The following ABCE1 variants were observed in gnomAD, a reference collection of about 807,000 sequenced individuals.
ABCE1 encodes ATP binding cassette subfamily E member 1, also known as ATP-binding cassette sub-family E member 1.
In ABCE1, 22 loss-of-function variants were observed where a neutral mutation model predicts 83.4. That is an observed-to-expected ratio of 0.26 (90% CI 0.19 to 0.38). The LOEUF (loss-of-function observed/expected upper bound fraction) is 0.38, where lower values mean the gene tolerates loss of function less well. ABCE1 is among the 10% of genes least tolerant of loss of function. ABCE1 has a pLI of 1.00. For synonymous variants in ABCE1, 204 were observed against 233.7 expected, an observed-to-expected ratio of 0.87 and a Z score of 1.16; for missense variants, 330 against 721.9, an observed-to-expected ratio of 0.46 and a Z score of 6.22.
intron 2 of ABCE1, among the ~76,000 whole-genome samples, chr4:145,105,208 T>A (rs1311316215): frequency 2.0e-5 from 3 of 152,102 alleles, no homozygotes; most frequent in Non-Finnish European, 4.4e-5. Flanking sequence ...CTGATCTAGC[T>A]ACAATAGTTC....
At position 145,128,097 on chromosome 4, in the gene ABCE1, G is replaced by A. The variant is rs1749942397; in HGVS notation, c.*524G>A. 6.6e-6 allele frequency: 1 copy of A among 152,548 alleles called. No individual in the cohort carries two copies. The highest frequency in any genetic ancestry group is 2.4e-5 in the African/African-American group (1 of 41,420). The allele number at this position is 152,548 out of a possible 1,614,324, so 9.4% of individuals were successfully genotyped here. A position where few individuals can be genotyped will look rare whatever the true frequency, so the allele number is the denominator to read the frequency against. On this transcript the variant is annotated 3_prime_UTR_variant, in exon 18 of 18. Transcript: ENST00000296577. ...ACTATATTACCAGTATATGGTTTCC[G>A]AGGAAGATTATCTACTGCAAAACAC...
intron 9 of ABCE1, among the ~76,000 whole-genome samples, chr4:145,116,006 GC>G (rs1749599408): frequency 6.6e-6 from 1 of 151,926 alleles, no homozygotes; most frequent in Non-Finnish European, 1.5e-5. Flanking sequence ...GAGGGGGAAA[GC>G]TCATTTGCAT....
intron 1 of ABCE1, 82 bp downstream of exon 1, chr4:145,098,501 C>T (rs903431516): frequency 3.9e-5 from 6 of 152,352 alleles, no homozygotes; most frequent in African/African-American, 1.4e-4. Context: ...CTCCGAGAGC[C>T]TTTGGTTAGG....
chr4:145,127,327 A>G (rs1043567825), intron 17 of ABCE1, among the ~76,000 whole-genome samples, 199 bp from the exon 18 acceptor site: 12 of 152,202 alleles, frequency 7.9e-5, no homozygotes, highest in African/African-American at 2.9e-4. Context: ...GAGTCATTCT[A>G]GCATTAGGGA....
chr4:145,104,823 T>A (rs1749254326), intron 2 of ABCE1, among the ~76,000 whole-genome samples: 1 of 151,250 alleles, frequency 6.6e-6, no homozygotes, highest in East Asian at 1.9e-4. Context: ...TACTTTAATA[T>A]TATATATATA....
chr4:145,104,362 A>T, intron 1 of ABCE1, 24 bp from the exon 2 acceptor site: 1 of 1,264,834 alleles, frequency 7.9e-7, no homozygotes, highest in Non-Finnish European at 1.1e-6. Context: ...AATGGCATTA[A>T]ATTTGTTGAT....
intron 4 of ABCE1, among the ~76,000 whole-genome samples, chr4:145,108,662 G>C (rs1489282328): frequency 6.6e-6 from 1 of 152,104 alleles, no homozygotes; most frequent in Admixed American, 6.6e-5. Flanking sequence ...CCAGCTTTAA[G>C]GGGCCTACTG....
At chr4:145,118,060 T>C (rs1204495667) in intron 10 of ABCE1, among the ~76,000 whole-genome samples, 3 of 151,740 alleles carry the variant, frequency 2.0e-5, no homozygotes, top group Non-Finnish European at 4.4e-5. Context: ...TTCCTTTTTT[T>C]CTTCCCATTT....
intron 17 of ABCE1, among the ~76,000 whole-genome samples, chr4:145,125,538 C>A (rs1749857330): frequency 6.6e-6 from 1 of 152,078 alleles, no homozygotes; most frequent in Non-Finnish European, 1.5e-5. Flanking sequence ...CATTTTAAGA[C>A]CTGATGGCAT....
At position 145,105,762 on chromosome 4, in the gene ABCE1, C is replaced by T. The variant is rs1466999261; in HGVS notation, c.189+72C>T. The T allele has an allele frequency of 3.8e-6, 4 of 1,049,328 alleles. No homozygotes were observed. In the East Asian group the frequency reaches 1.0e-4, roughly 27 times the overall value. The allele number at this position is 1,049,328 out of a possible 1,614,324, so 65.0% of individuals were successfully genotyped here. The stretch of plus-strand genomic sequence containing the variant: ...AAATCTGAAAATTCTGGATACTATG[C>T]TATAACTACTTTAAGTGAGGCAAAG... On this transcript the variant is annotated intron_variant, in intron 3 of 17. Transcript: ENST00000296577.
rs867254200 is a variant in ABCE1 at position 145,117,532 on chromosome 4, C to T, written c.922+118C>T. 8 of 886,750 alleles carry T rather than the reference C, an allele frequency of 9.0e-6. No homozygotes were observed. The South Asian group carries it at 2.2e-4, about 25-fold the overall frequency. The allele number at this position is 886,750 out of a possible 1,614,324, so 54.9% of individuals were successfully genotyped here. A position where few individuals can be genotyped will look rare whatever the true frequency, so the allele number is the denominator to read the frequency against. ...TCTGATATCATCCAAAACTCTAGTT[C>T]CTTGGAATTTAATCACTGAGCATAT... On this transcript the variant is annotated intron_variant, in intron 10 of 17. Coordinates refer to ENST00000296577, the MANE Select transcript of ABCE1 (RefSeq NM_002940.3).
rs759258481 is a variant in ABCE1, at chr4:145,110,426, A to G, written c.595A>G (p.Ile199Val). ...AAAAGATGAAACAAAGACACAGGCA[A>G]TTGTATGTCAGCAGCTTGGTAAGTG... is the stretch of plus-strand genomic sequence containing the variant. ...DRKDETKTQA[I>V]VCQQLDLTHL... Residue 199 changes from isoleucine (I) to valine (V), a missense_variant, in exon 7 of 18, where the codon ATT becomes GTT. By Grantham distance (29) the Ile-to-Val change is conservative. Transcript: ENST00000296577. The G allele has an allele frequency of 3.5e-5, 56 of 1,611,902 alleles. No homozygotes were observed. The highest frequency in any genetic ancestry group is 9.4e-5 in the African/African-American group (7 of 74,840).
In ABCE1 at chr4:145,128,587, A is replaced by T. The variant is rs1749956581; in HGVS notation, c.*1014A>T. 1 of 152,200 alleles carries T rather than the reference A, an allele frequency of 6.6e-6. No homozygotes were observed. Among genetic ancestry groups the T allele is most frequent in the Non-Finnish European group, 1.5e-5 (1 of 68,028 alleles). 9.4% of individuals were successfully genotyped at this position (152,200 alleles called of 1,614,324 possible). On this transcript the variant is annotated 3_prime_UTR_variant, in exon 18 of 18. Transcript: ENST00000296577. Reference sequence around the variant, plus strand: ...AGTTTGGATATAGAGCACATTATCTAAACCATTTTGTAGTTCCAAAAACCC... The same window carrying T: ...AGTTTGGATATAGAGCACATTATCTTAACCATTTTGTAGTTCCAAAAACCC...
intron 9 of ABCE1, among the ~76,000 whole-genome samples, chr4:145,114,346 TCTCAA>T (rs943917115): frequency 3.7e-4 from 57 of 152,252 alleles, no homozygotes; most frequent in Middle Eastern, 3.4e-3. Flanking sequence ...GGTCACTAGT[TCTCAA>T]CTCAAGTCAC....
In ABCE1 at chr4:145,121,364, G is replaced by A. The variant is rs753187645; in HGVS notation, c.1236G>A (p.Lys412=). The stretch of plus-strand genomic sequence containing the variant: ...TACCAGTTCTAAATGTCAGTTATAA[G>A]CCACAGAAAATTAGTCCCAAATCAA... ...GEVPVLNVSY[K]PQKISPKSTG... Residue 412 remains lysine, a synonymous_variant, in exon 13 of 18, where the codon AAG becomes AAA. Transcript: ENST00000296577. The A allele has an allele frequency of 6.2e-7, 1 of 1,612,966 alleles. No homozygotes were observed. Among genetic ancestry groups the A allele is most frequent in the South Asian group, 1.1e-5 (1 of 90,760 alleles).
In ABCE1 at chr4:145,108,068, A is replaced by G. The variant is rs777183180; in HGVS notation, c.243A>G (p.Lys81=). Residue 81 remains lysine (K), a synonymous_variant, in exon 4 of 18, where the codon AAA becomes AAG. Coordinates refer to ENST00000296577, the MANE Select transcript of ABCE1 (RefSeq NM_002940.3). ...TCAATCTACCAAGCAACTTGGAAAA[A>G]GAAACCACACATCGATATTGTGCCA... ...SIVNLPSNLE[K]ETTHRYCANA... 1 of 1,613,676 alleles carries G rather than the reference A, an allele frequency of 6.2e-7. No homozygotes were observed. Among genetic ancestry groups the G allele is most frequent in the African/African-American group, 1.3e-5 (1 of 75,056 alleles).
In ABCE1 at chr4:145,108,091, C is replaced by T. The variant is rs901361759; in HGVS notation, c.266C>T (p.Ala89Val). ...LEKETTHRYC[A>V]NAFKLHRLPI... is the part of the protein sequence containing the mutation. Reference sequence around the variant, plus strand: ...AAAGAAACCACACATCGATATTGTGCCAATGCCTTCAAACTTCACAGGTAT... The same window carrying T: ...AAAGAAACCACACATCGATATTGTGTCAATGCCTTCAAACTTCACAGGTAT... The change falls in exon 4 of 18, where the codon GCC (alanine) becomes GTC (valine). Residue 89 changes from alanine (A) to valine (V), a missense_variant. Physicochemically the swap from Ala to Val is moderately conservative, Grantham distance 64. Coordinates refer to ENST00000296577, the MANE Select transcript of ABCE1 (RefSeq NM_002940.3). The T allele has an allele frequency of 1.9e-6, 3 of 1,613,246 alleles. No homozygotes were observed. The African/African-American group carries it at 4.0e-5, about 22-fold the overall frequency.
At chr4:145,121,534 C>A in intron 13 of ABCE1, 143 bp downstream of exon 13, 1 of 636,986 alleles carries the variant, frequency 1.6e-6, no homozygotes, top group South Asian at 2.1e-5. Context: ...TATTAAGAGT[C>A]CAATCCTTGA....
chr4:145,114,783 C>T (rs1292057492), intron 9 of ABCE1, among the ~76,000 whole-genome samples: 2 of 151,750 alleles, frequency 1.3e-5, no homozygotes, highest in African/African-American at 2.4e-5. Flanking sequence ...GGCATGACAA[C>T]GTAGAGAAAA....
Sources: gnomAD v4.1 joint callset for allele counts (sites outside exome capture counted in the v4.1 genomes callset) on GRCh38, gnomAD v4.1.1 for gene constraint, MANE v1.5 for transcripts, NCBI Gene and HGNC (gene_info 2026-07-23, HGNC 2026-07-21) for gene names.